The following RGS20 variants were observed in gnomAD, a reference collection of about 807,000 sequenced individuals.
RGS20 encodes the protein gz-selective GTPase-activating protein.
In RGS20, 30 loss-of-function variants were observed where a neutral mutation model predicts 33.6. That is an observed-to-expected ratio of 0.89 (90% confidence interval 0.67 to 1.21). The LOEUF is 1.21. Among genes scored for constraint, RGS20 ranks in the 50% most tolerant of loss-of-function variants. RGS20 has a pLI of 0.00. For missense variants in RGS20, 472 were observed against 502.4 expected, an observed-to-expected ratio of 0.94 and a Z score of 0.58; for synonymous variants, 208 against 197.9, an observed-to-expected ratio of 1.05 and a Z score of -0.43.
intron 2 of RGS20, among the ~76,000 whole-genome samples, chr8:53,901,873 A>T (rs775689556): frequency 2.0e-5 from 3 of 152,186 alleles, no homozygotes; most frequent in African/African-American, 2.4e-5. Flanking sequence ...AAAGGAAAAC[A>T]TTATAGAGAT....
chr8:53,891,018 C>T (rs1170088885), intron 2 of RGS20, among the ~76,000 whole-genome samples: 1 of 152,176 alleles, frequency 6.6e-6, no homozygotes, highest in Non-Finnish European at 1.5e-5. Context: ...TTGCCTCCAC[C>T]TTCCCCATAT....
chr8:53,891,283 T>C (rs1015867737), intron 2 of RGS20, among the ~76,000 whole-genome samples: 5 of 152,242 alleles, frequency 3.3e-5, no homozygotes, highest in African/African-American at 4.8e-5. Flanking sequence ...TTTAGAAATG[T>C]AATTTCACTT....
intron 3 of RGS20, among the ~76,000 whole-genome samples, chr8:53,941,152 C>T (rs1426552542): frequency 6.6e-6 from 1 of 152,130 alleles, no homozygotes; most frequent in East Asian, 1.9e-4. Flanking sequence ...GGGTCAGGTC[C>T]CAGAGCAGGC....
chr8:53,873,288 C>T (rs1311810685), intron 1 of RGS20, among the ~76,000 whole-genome samples: 1 of 152,194 alleles, frequency 6.6e-6, no homozygotes, highest in East Asian at 1.9e-4. Context: ...AATTGCTTTT[C>T]TTGATAAATG....
chr8:53,950,362 G>C (rs1814675413), intron 4 of RGS20, among the ~76,000 whole-genome samples: 1 of 152,088 alleles, frequency 6.6e-6, no homozygotes, highest in Non-Finnish European at 1.5e-5. Context: ...CAAAATGCTT[G>C]GAACTAGAAA....
intron 2 of RGS20, among the ~76,000 whole-genome samples, chr8:53,899,650 A>G (rs568195636): frequency 1.3e-5 from 2 of 152,182 alleles, no homozygotes; most frequent in Non-Finnish European, 2.9e-5. Flanking sequence ...AACATTTTAT[A>G]TAGATGGGTT....
intron 2 of RGS20, 21 bp from the exon 2 acceptor site, chr8:53,939,555 T>C (rs1814226452): frequency 2.0e-6 from 3 of 1,501,932 alleles, no homozygotes; most frequent in Non-Finnish European, 2.7e-6. Context: ...CCCGCCCGCT[T>C]TGTTCCTCTC....
At chr8:53,862,140 C>T (rs1193061892) in intron 1 of RGS20, among the ~76,000 whole-genome samples, 1 of 152,114 alleles carries the variant, frequency 6.6e-6, no homozygotes, top group Non-Finnish European at 1.5e-5. Context: ...CTCTCACCCA[C>T]CCCTCACCTT....
intron 2 of RGS20, among the ~76,000 whole-genome samples, chr8:53,915,359 A>T (rs1247522777): frequency 6.6e-6 from 1 of 152,032 alleles, no homozygotes; most frequent in African/African-American, 2.4e-5. Context: ...GGTATTGGTC[A>T]ATGGGAGTTC....
At chr8:53,923,827 G>T (rs1813718045) in intron 2 of RGS20, among the ~76,000 whole-genome samples, 1 of 151,832 alleles carries the variant, frequency 6.6e-6, no homozygotes, top group East Asian at 1.9e-4. Flanking sequence ...TCTTTTTCGT[G>T]ACTACCTGTT....
chr8:53,890,460 G>C (rs1400592245), intron 2 of RGS20, among the ~76,000 whole-genome samples: 1 of 151,960 alleles, frequency 6.6e-6, no homozygotes, highest in Non-Finnish European at 1.5e-5. Flanking sequence ...CACATATCTA[G>C]TAATTTTTAT....
At position 53,948,345 on chromosome 8, in the gene RGS20, TTATA is replaced by T. The variant is rs1176828089; in HGVS notation, c.743+1601_743+1604del. Among the ~76,000 whole-genome samples, 10 of 141,076 alleles carry T rather than the reference TTATA, an allele frequency of 7.1e-5. 1 individual carries two copies. The highest frequency in any genetic ancestry group is 5.0e-4 in the Admixed American group (7 of 13,906). The allele number at this position is 141,076 out of a possible 152,430, so 92.6% of individuals were successfully genotyped here. Reference sequence around the variant, plus strand: ...ATGCTATATATAAGACAGTATATATTTATATATGCTATATATAAGACACAGTATA... The same window carrying T: ...ATGCTATATATAAGACAGTATATATTTATGCTATATATAAGACACAGTATA... On this transcript the variant is annotated intron_variant, in intron 4 of 5. Transcript: ENST00000297313.
intron 2 of RGS20, among the ~76,000 whole-genome samples, chr8:53,907,230 AT>A (rs1006164381): frequency 1.1e-3 from 166 of 151,628 alleles, no homozygotes; most frequent in African/African-American, 3.9e-3. Flanking sequence ...TGTGAACCAC[AT>A]TTTTTTTCTG....
At position 53,954,243 on chromosome 8, in the gene RGS20, A is replaced by C; in HGVS notation, c.911A>C (p.Lys304Thr). 1 of 1,614,036 alleles carries C rather than the reference A, an allele frequency of 6.2e-7. No homozygotes were observed. The highest frequency in any genetic ancestry group is 2.2e-5 in the East Asian group (1 of 44,894). ...GAGGAACTGAAAAAGGAAGCTAATA[A>C]AAACATTATTGAAGAGAAAGCAAGG... is the stretch of plus-strand genomic sequence containing the variant. Residue 304 changes from lysine to threonine, a missense_variant, in exon 5 of 6, where the codon AAA (lysine) becomes ACA (threonine). Lys to Thr is a moderately conservative substitution (Grantham distance 78). Transcript: ENST00000297313.
intron 2 of RGS20, among the ~76,000 whole-genome samples, chr8:53,911,130 G>T (rs1252639937): frequency 6.6e-6 from 1 of 152,194 alleles, no homozygotes. Context: ...CAGTGGATAT[G>T]ATCAAAGCAG....
intron 1 of RGS20, among the ~76,000 whole-genome samples, chr8:53,859,282 C>G (rs1184953337): frequency 6.6e-6 from 1 of 152,162 alleles, no homozygotes; most frequent in Non-Finnish European, 1.5e-5. Context: ...AGTAACTGCA[C>G]AAATCATCTT....
At chr8:53,929,931 AG>A (rs1813907903) in intron 2 of RGS20, among the ~76,000 whole-genome samples, 1 of 152,230 alleles carries the variant, frequency 6.6e-6, no homozygotes, top group South Asian at 2.1e-4. Context: ...AAATAGTGAA[AG>A]AAAGCCTGCT....
intron 2 of RGS20, among the ~76,000 whole-genome samples, chr8:53,935,731 TC>T (rs1814111602): frequency 6.6e-6 from 1 of 152,058 alleles, no homozygotes; most frequent in African/African-American, 2.4e-5. Context: ...AAAGAGGGAC[TC>T]CTCCCTAACT....
At chr8:53,945,917 A>G (rs2129291457) in intron 3 of RGS20, among the ~76,000 whole-genome samples, 1 of 152,312 alleles carries the variant, frequency 6.6e-6, no homozygotes, top group Middle Eastern at 3.4e-3. Flanking sequence ...TCATATTACA[A>G]CAATAACCAG....
Sources: gnomAD v4.1 joint callset for allele counts (sites outside exome capture counted in the v4.1 genomes callset) on GRCh38, gnomAD v4.1.1 for gene constraint, MANE v1.5 for transcripts, NCBI Gene and HGNC (gene_info 2026-07-23, HGNC 2026-07-21) for gene names.